CCDC68: variants seen among roughly 807,000 people sequenced by gnomAD.
CCDC68 encodes the protein coiled-coil domain containing 68, also known as coiled-coil domain-containing protein 68.
Under a neutral mutation model 47.1 loss-of-function variants are expected in CCDC68, and 45 were observed. The ratio of observed to expected loss-of-function variants is 0.96; its 90% confidence interval spans 0.75 to 1.23. The LOEUF (loss-of-function observed/expected upper bound fraction) is 1.23, where lower values mean the gene tolerates loss of function less well. CCDC68 is among the 50% of genes most tolerant of loss of function. The probability of loss-of-function intolerance (pLI) is 0.00; values close to 1 mark genes in which losing one functional copy is unlikely to be tolerated. For synonymous variants in CCDC68, 131 were observed against 129.5 expected (o/e 1.01, Z -0.08); for missense variants, 353 against 373.6 (o/e 0.94, Z 0.45).
Position 54,904,129 on chromosome 18 carries a change from G to T in CCDC68, c.*229C>A. ...TAAAGCAGAATCTGTCTTCCATCAT[G>T]AGAAGGCACCTGGTTTCTTCAACTA... On this transcript the variant is annotated 3_prime_UTR_variant, in exon 12 of 12. Transcript: ENST00000591504. 2.7e-6 allele frequency: 1 copy of T among 363,860 alleles called. No homozygotes were observed. Among genetic ancestry groups the T allele is most frequent in the Non-Finnish European group, 4.9e-6 (1 of 202,520 alleles). The allele number at this position is 363,860 out of a possible 1,614,324, so 22.5% of individuals were successfully genotyped here. A position where few individuals can be genotyped will look rare whatever the true frequency, so the allele number is the denominator to read the frequency against.
intron 8 of CCDC68, among the ~76,000 whole-genome samples, chr18:54,920,999 GA>G (rs1312027583): frequency 6.6e-6 from 1 of 152,182 alleles, no homozygotes; most frequent in Non-Finnish European, 1.5e-5. Context: ...ATACACCATG[GA>G]ATACTATGCA....
rs897197360 is a variant in CCDC68, at chr18:54,903,105, T to G, written c.*1253A>C. On this transcript the variant is annotated 3_prime_UTR_variant, in exon 12 of 12. Transcript: ENST00000591504. ...CAAGGATTACAGTACTTGGATAAAT[T>G]TATAAATACATTACATCATCTCATT... 1 of 152,178 alleles carries G rather than the reference T, an allele frequency of 6.6e-6. No individual in the cohort carries two copies. Among genetic ancestry groups the G allele is most frequent in the Non-Finnish European group, 1.5e-5 (1 of 68,032 alleles). The allele number at this position is 152,178 out of a possible 1,614,324, so 9.4% of individuals were successfully genotyped here. A position where few individuals can be genotyped will look rare whatever the true frequency, so the allele number is the denominator to read the frequency against.
intron 2 of CCDC68, among the ~76,000 whole-genome samples, chr18:54,943,316 A>G (rs1013069909): frequency 2.0e-5 from 3 of 152,192 alleles, no homozygotes; most frequent in Admixed American, 2.0e-4. Context: ...ATCAACTGCT[A>G]TGGAGCCATC....
chr18:54,911,733 T>C (rs1914382257), intron 10 of CCDC68, among the ~76,000 whole-genome samples: 2 of 152,224 alleles, frequency 1.3e-5, no homozygotes, highest in Non-Finnish European at 2.9e-5. Flanking sequence ...CAAGCATGAT[T>C]GAAATGAAAA....
chr18:54,937,405 C>G (rs2044367402), intron 5 of CCDC68: 1 of 154,686 alleles, frequency 6.5e-6, no homozygotes, highest in African/African-American at 2.4e-5. Flanking sequence ...AGGATTTAAC[C>G]TAAGGAAACA....
chr18:54,917,835 GCACAGACA>G (rs2145416760), intron 10 of CCDC68, 70 bp downstream of exon 10: 1 of 679,426 alleles, frequency 1.5e-6, no homozygotes, highest in Non-Finnish European at 2.4e-6. Context: ...ACCCTCACGT[GCACAGACA>G]CACACACACA....
intron 8 of CCDC68, among the ~76,000 whole-genome samples, chr18:54,920,236 C>CTTTTTT (rs58528142): frequency 2.2e-5 from 3 of 135,234 alleles, no homozygotes; most frequent in Middle Eastern, 3.7e-3. Context: ...TTTCTTTTTT[C>CTTTTTT]TTTTTTTTTT....
chr18:54,936,701 C>T, intron 6 of CCDC68, 132 bp downstream of exon 6: 4 of 1,098,924 alleles, frequency 3.6e-6, no homozygotes, highest in South Asian at 3.0e-5. Flanking sequence ...ACAAGCACAC[C>T]GCTTCTTTCC....
intron 1 of CCDC68, among the ~76,000 whole-genome samples, chr18:54,953,634 C>G (rs1310206955): frequency 9.2e-6 from 1 of 108,242 alleles, no homozygotes; most frequent in African/African-American, 3.6e-5. Flanking sequence ...GATTCTAGCT[C>G]ACGCTACATG....
chr18:54,955,404 A>C (rs2044695175), intron 1 of CCDC68, among the ~76,000 whole-genome samples: 1 of 152,158 alleles, frequency 6.6e-6, no homozygotes, highest in Non-Finnish European at 1.5e-5. Context: ...TTGCAATTTG[A>C]GTAGTAACTT....
chr18:54,931,908 C>T (rs1278085366), intron 7 of CCDC68, among the ~76,000 whole-genome samples: 1 of 152,124 alleles, frequency 6.6e-6, no homozygotes, highest in Non-Finnish European at 1.5e-5. Flanking sequence ...GTAAATTTTT[C>T]TCCAGGGGGC....
At chr18:54,920,991 A>T (rs1363435006) in intron 8 of CCDC68, among the ~76,000 whole-genome samples, 1 of 152,224 alleles carries the variant, frequency 6.6e-6, no homozygotes, top group Non-Finnish European at 1.5e-5. Flanking sequence ...TGTTATATAT[A>T]CACCATGGAA....
chr18:54,955,377 T>C (rs1295282385), intron 1 of CCDC68, among the ~76,000 whole-genome samples: 1 of 152,138 alleles, frequency 6.6e-6, no homozygotes, highest in Non-Finnish European at 1.5e-5. Context: ...TGCTCTTTTT[T>C]TTCCCCCAAA....
intron 7 of CCDC68, among the ~76,000 whole-genome samples, chr18:54,933,252 T>G (rs1452431640): frequency 5.9e-5 from 9 of 152,174 alleles, no homozygotes; most frequent in Non-Finnish European, 5.9e-5. Context: ...CAGCTAATTT[T>G]TGTATTTTTA....
chr18:54,925,164 A>G (rs1284426748), intron 8 of CCDC68, among the ~76,000 whole-genome samples: 1 of 152,172 alleles, frequency 6.6e-6, no homozygotes, highest in Non-Finnish European at 1.5e-5. Flanking sequence ...CTGCTGGAAA[A>G]TTTGAAACTG....
chr18:54,953,359 A>G (rs149409529), intron 1 of CCDC68, among the ~76,000 whole-genome samples: 14 of 152,320 alleles, frequency 9.2e-5, no homozygotes, highest in African/African-American at 2.9e-4. Context: ...ACCTGGCAGG[A>G]TCTAAAAAAA....
chr18:54,908,203 C>T (rs1471136460), intron 10 of CCDC68, among the ~76,000 whole-genome samples: 1 of 152,064 alleles, frequency 6.6e-6, no homozygotes, highest in East Asian at 1.9e-4. Flanking sequence ...TTAAAGATAC[C>T]CACAATATCA....
At chr18:54,907,074 A>G (rs1201728385) in intron 11 of CCDC68, among the ~76,000 whole-genome samples, 2 of 152,218 alleles carry the variant, frequency 1.3e-5, no homozygotes, top group Non-Finnish European at 2.9e-5. Flanking sequence ...CTGCTAGAAG[A>G]CGAAGTTTTT....
At chr18:54,927,594 A>G (rs2044167221) in intron 8 of CCDC68, among the ~76,000 whole-genome samples, 1 of 152,252 alleles carries the variant, frequency 6.6e-6, no homozygotes, top group Non-Finnish European at 1.5e-5. Context: ...GAATTAAGTT[A>G]TGAATATCCA....
Sources: allele counts gnomAD v4.1 joint callset (sites outside exome capture counted in the v4.1 genomes callset), GRCh38; gene constraint gnomAD v4.1.1; transcripts MANE v1.5; gene names NCBI Gene and HGNC (gene_info 2026-07-23, HGNC 2026-07-21).